DCAF5: variants seen among roughly 807,000 people sequenced by gnomAD.
DCAF5 encodes DDB1 and CUL4 associated factor 5.
In DCAF5, 9 loss-of-function variants were observed where a neutral mutation model predicts 80.7. The ratio of observed to expected loss-of-function variants is 0.11; its 90% CI spans 0.07 to 0.19. DCAF5 has a LOEUF of 0.19. Among genes scored for constraint, DCAF5 ranks in the 10% least tolerant of loss-of-function variants. The pLI, the probability that DCAF5 is intolerant of heterozygous loss-of-function variation, is 1.00. For missense variants in DCAF5, 842 were observed against 1,205.7 expected, an observed-to-expected ratio of 0.70 and a Z score of 4.47; for synonymous variants, 433 against 461.9, an observed-to-expected ratio of 0.94 and a Z score of 0.80.
intron 5 of DCAF5, among the ~76,000 whole-genome samples, chr14:69,111,777 G>A (rs1216971161): frequency 6.6e-6 from 1 of 152,198 alleles, no homozygotes; most frequent in Non-Finnish European, 1.5e-5. Context: ...TGAAATAAAT[G>A]AAACCTTGTC....
chr14:69,072,164 A>G (rs2038718046), intron 7 of DCAF5, among the ~76,000 whole-genome samples: 1 of 152,216 alleles, frequency 6.6e-6, no homozygotes, highest in Admixed American at 6.5e-5. Flanking sequence ...TAGGTAGGAG[A>G]ATGAAGATTC....
chr14:69,092,042 G>A (rs186433285), intron 5 of DCAF5, among the ~76,000 whole-genome samples, 155 bp from the exon 6 acceptor site: 5 of 152,310 alleles, frequency 3.3e-5, no homozygotes, highest in African/African-American at 4.8e-5. Flanking sequence ...GGGTAGCAAC[G>A]CTTCCTTCGT....
chr14:69,139,291 G>A (rs1204725446), intron 1 of DCAF5, among the ~76,000 whole-genome samples: 1 of 152,090 alleles, frequency 6.6e-6, no homozygotes. Flanking sequence ...TTCAAGACCA[G>A]CCTGGGCAAC....
intron 6 of DCAF5, among the ~76,000 whole-genome samples, chr14:69,080,929 CTAAGT>C (rs1594960291): frequency 6.6e-6 from 1 of 151,906 alleles, no homozygotes; most frequent in Admixed American, 6.6e-5. Context: ...ATTGCCTTCT[CTAAGT>C]TATTTTTTTT....
chr14:69,067,905 G>T (rs1368827902), intron 7 of DCAF5, among the ~76,000 whole-genome samples: 1 of 152,116 alleles, frequency 6.6e-6, no homozygotes, highest in Non-Finnish European at 1.5e-5. Flanking sequence ...AAAGTGCTGG[G>T]ATTACAGTCC....
chr14:69,083,856 T>C (rs2039211881), intron 6 of DCAF5: 1 of 751,216 alleles, frequency 1.3e-6, no homozygotes, highest in Non-Finnish European at 2.5e-6. Context: ...ATGATGAAGA[T>C]GACAGTGAGA....
At chr14:69,083,586 C>A in intron 6 of DCAF5, 1 of 489,530 alleles carries the variant, frequency 2.0e-6, no homozygotes, top group Non-Finnish European at 3.8e-6. Flanking sequence ...TGAATGTGGG[C>A]TTATCAGATG....
chr14:69,066,436 G>C (rs1029841503), intron 7 of DCAF5, among the ~76,000 whole-genome samples: 29 of 152,062 alleles, frequency 1.9e-4, no homozygotes, highest in Non-Finnish European at 5.9e-5. Flanking sequence ...CACCTGGCCA[G>C]CTGACACTCC....
At position 69,054,190 on chromosome 14, in the gene DCAF5, G is replaced by C; in HGVS notation, c.2496C>G (p.His832Gln). 1 of 1,614,254 alleles carries C rather than the reference G, an allele frequency of 6.2e-7. No homozygotes were observed. Among genetic ancestry groups the C allele is most frequent in the Non-Finnish European group, 8.5e-7 (1 of 1,180,048 alleles). ...GACGAGGGTGTAAGCGTCCATTGTTGTGGTTGGCACAGATGGTTTCGAGGC... is the reference window on the plus strand; with the variant it reads ...GACGAGGGTGTAAGCGTCCATTGTTCTGGTTGGCACAGATGGTTTCGAGGC... The part of the protein sequence containing the change: ...ERSLETICAN[H>Q]NNGRLHPRPP... The change falls in exon 9 of 9, where the codon CAC becomes CAG. Residue 832 changes from histidine (H) to glutamine (Q), a missense_variant. Transcript: ENST00000341516.
At chr14:69,075,930 G>T (rs778499081) in intron 6 of DCAF5, among the ~76,000 whole-genome samples, 186 of 151,984 alleles carry the variant, frequency 1.2e-3, no homozygotes, top group Non-Finnish European at 1.1e-3. Context: ...CTAAAACTCA[G>T]CAACGACAAC....
chr14:69,139,508 GAAAAGAAA>G (rs2041295327), intron 1 of DCAF5, among the ~76,000 whole-genome samples: 1 of 151,008 alleles, frequency 6.6e-6, no homozygotes, highest in Non-Finnish European at 1.5e-5. Context: ...TCACAAGAAA[GAAAAGAAA>G]AAAAGAGAAA....
intron 1 of DCAF5, among the ~76,000 whole-genome samples, chr14:69,133,816 T>C (rs1021910862): frequency 6.6e-6 from 1 of 152,190 alleles, no homozygotes; most frequent in Admixed American, 6.5e-5. Context: ...CCTTAGCTCC[T>C]AGCTAGAAAC....
intron 7 of DCAF5, among the ~76,000 whole-genome samples, chr14:69,063,571 T>C (rs1445151400): frequency 2.0e-5 from 3 of 152,242 alleles, no homozygotes; most frequent in African/African-American, 7.2e-5. Flanking sequence ...AAAGTATCAT[T>C]AGACAGTCTC....
At position 69,091,248 on chromosome 14, in the gene DCAF5, G is replaced by A. The variant is rs2039523333; in HGVS notation, c.879+426C>T. ...ATCCAAGAAAAAGATGGCATCCCAA[G>A]AGGCCATTCAAGATACATGTCTCTT... On this transcript the variant is annotated intron_variant, in intron 6 of 8. Coordinates refer to ENST00000341516, the MANE Select transcript of DCAF5 (RefSeq NM_003861.3). The A allele has an allele frequency of 4.3e-6, 3 of 691,658 alleles. No homozygotes were observed. The Admixed American group carries it at 6.2e-5, about 14-fold the overall frequency. 42.8% of individuals were successfully genotyped at this position (691,658 alleles called of 1,614,324 possible).
In DCAF5 at chr14:69,152,973, C is replaced by T. The variant is rs772550140; in HGVS notation, c.6G>A (p.Lys2=). M[K]RRAGLGGSMR... ...TGCTGCCCCCCAGGCCAGCTCTCCT[C>T]TTCATGCTGGAACCGCCGCCGCCGC... The change falls in exon 1 of 9, where the codon AAG becomes AAA. Residue 2 remains lysine, a synonymous_variant. Transcript: ENST00000341516. This position sits in a 1 kb window ranked among gnomAD's most constrained non-coding sequence, Gnocchi z 4.1. 1.3e-6 allele frequency: 2 copies of T among 1,586,508 alleles called. No individual in the cohort carries two copies. The highest frequency in any genetic ancestry group is 1.7e-6 in the Non-Finnish European group (2 of 1,169,100).
intron 1 of DCAF5, among the ~76,000 whole-genome samples, chr14:69,136,247 T>C (rs1281548697): frequency 6.6e-6 from 1 of 151,476 alleles, no homozygotes; most frequent in Non-Finnish European, 1.5e-5. Context: ...TCCAGAGTAG[T>C]TGAGACTACA....
chr14:69,152,841 C>T lies in DCAF5; in HGVS notation c.138G>A (p.Lys46=). ...RRLRGCRNLY[K]KDLLGHFGCV... is the part of the protein sequence containing the mutation. ...AGCCGAAGTGGCCGAGGAGGTCCTT[C>T]TTGTAGAGGTTTCTGCAGCCCCGCA... Residue 46 remains lysine (K), a synonymous_variant, in exon 1 of 9, where the codon AAG becomes AAA. Coordinates refer to ENST00000341516, the MANE Select transcript of DCAF5 (RefSeq NM_003861.3). This position sits in a 1 kb window ranked among gnomAD's most constrained non-coding sequence, Gnocchi z 4.1. The T allele has an allele frequency of 2.5e-6, 4 of 1,614,126 alleles. No individual in the cohort carries two copies. Among genetic ancestry groups the T allele is most frequent in the Non-Finnish European group, 3.4e-6 (4 of 1,180,004 alleles).
At chr14:69,057,295 A>T (rs1269229940) in intron 8 of DCAF5, among the ~76,000 whole-genome samples, 1 of 152,062 alleles carries the variant, frequency 6.6e-6, no homozygotes, top group East Asian at 1.9e-4. Context: ...GGAATAAAAG[A>T]GCTTGGTGGC....
At chr14:69,105,498 T>G (rs1432984071) in intron 5 of DCAF5, among the ~76,000 whole-genome samples, 1 of 152,116 alleles carries the variant, frequency 6.6e-6, no homozygotes, top group Non-Finnish European at 1.5e-5. Context: ...TCTGTGAGCC[T>G]GTTTCCAGAG....
Sources: gnomAD v4.1 joint callset for allele counts (sites outside exome capture counted in the v4.1 genomes callset) on GRCh38, gnomAD v4.1.1 for gene constraint, Gnocchi (gnomAD v3.1) non-coding constraint, MANE v1.5 for transcripts, NCBI Gene and HGNC (gene_info 2026-07-23, HGNC 2026-07-21) for gene names.